The following EIF2B5 variants were observed in gnomAD, a reference collection of about 807,000 sequenced individuals.
EIF2B5 encodes the protein translation initiation factor eIF2B subunit epsilon.
In EIF2B5, 38 loss-of-function variants were observed where a neutral mutation model predicts 87.3. The ratio of observed to expected loss-of-function variants is 0.44; its 90% CI spans 0.34 to 0.57. EIF2B5 has a LOEUF of 0.57. EIF2B5 is among the 20% of genes least tolerant of loss of function. The probability of loss-of-function intolerance (pLI) is 0.02; values close to 1 mark genes in which losing one functional copy is unlikely to be tolerated. For synonymous variants in EIF2B5, 313 were observed against 339.6 expected (o/e 0.92, Z 0.86); for missense variants, 784 against 909.5 (o/e 0.86, Z 1.78).
At chr3:184,139,218 G>T (rs572655157) in intron 5 of EIF2B5, among the ~76,000 whole-genome samples, 2 of 145,264 alleles carry the variant, frequency 1.4e-5, no homozygotes, top group African/African-American at 2.6e-5. Context: ...TGATCCTCCC[G>T]CCTTGGCCTC....
rs200129815 is a variant in EIF2B5, at chr3:184,143,591, A to G, written c.1869+26A>G. 11 of 1,614,120 alleles carry G rather than the reference A, an allele frequency of 6.8e-6. No homozygotes were observed. The East Asian group carries it at 2.5e-4, about 36-fold the overall frequency. The stretch of plus-strand genomic sequence containing the variant: ...GTGAGCAAAGATTGGAGCTGAGTAC[A>G]AGGGATTGGGTACAGGCAAAGGAAA... On this transcript the variant is annotated intron_variant, in intron 13 of 15. Transcript: ENST00000648915.
At chr3:184,135,684 G>A (rs1196295658) in intron 1 of EIF2B5, 104 bp downstream of exon 1, 8 of 1,434,872 alleles carry the variant, frequency 5.6e-6, no homozygotes, top group East Asian at 2.5e-5. Context: ...AAGGACCTGC[G>A]TCTATGCTGT....
At chr3:184,140,863 A>C in intron 7 of EIF2B5, 133 bp downstream of exon 7, 1 of 997,064 alleles carries the variant, frequency 1.0e-6, no homozygotes, top group Non-Finnish European at 1.5e-6. Context: ...CGGCTACCTC[A>C]GGAAAGGAGG....
chr3:184,140,366 G>A lies in EIF2B5; in HGVS notation c.844-52G>A, dbSNP rs546042993. On this transcript the variant is annotated intron_variant, in intron 6 of 15. Coordinates refer to ENST00000648915, the MANE Select transcript of EIF2B5 (RefSeq NM_003907.3). ...AGGATTAGAAAAGTTGTACTTGGGG[G>A]CATTCTTCCTGTCTTTCTTGCTTAG... 23 of 1,590,478 alleles carry A rather than the reference G, an allele frequency of 1.4e-5. 1 individual carries two copies. The South Asian group carries it at 2.2e-4, about 15-fold the overall frequency.
At position 184,140,147 on chromosome 3, in the gene EIF2B5, T is replaced by A. The variant is rs1423216469; in HGVS notation, c.833T>A (p.Val278Glu). ...GATGACTTTGTGCGAGGTCTCTTAG[T>A]GAATGAGGAGGTGAGAAAAGTCTTC... ...TRDDFVRGLL[V>E]NEEILGNQIH... The change falls in exon 6 of 16, where the codon GTG (valine) becomes GAG (glutamate). Residue 278 changes from valine to glutamate, a missense_variant. Val to Glu is a moderately radical substitution (Grantham distance 121, BLOSUM62 -2). Transcript: ENST00000648915. 6.2e-7 allele frequency: 1 copy of A among 1,613,890 alleles called. No individual in the cohort carries two copies. Among genetic ancestry groups the A allele is most frequent in the Non-Finnish European group, 8.5e-7 (1 of 1,179,848 alleles).
At chr3:184,140,250 T>G (rs1188166656) in intron 6 of EIF2B5, 93 bp downstream of exon 6, 4 of 1,464,546 alleles carry the variant, frequency 2.7e-6, no homozygotes, top group South Asian at 2.3e-5. Flanking sequence ...TGTATTTTAT[T>G]GAGGCTTAGG....
At chr3:184,138,309 C>A in intron 5 of EIF2B5, 63 bp downstream of exon 5, 1 of 1,427,606 alleles carries the variant, frequency 7.0e-7, no homozygotes, top group South Asian at 1.1e-5. Flanking sequence ...CTGTTATTGT[C>A]CCCTTAGAAG....
chr3:184,136,751 C>T lies in EIF2B5; in HGVS notation c.320+15C>T. ...GAACATTTACTGTAAGGCCCTGCAA[C>T]TTTTCTTTCCATGTTTCGCCATCTT... is the stretch of plus-strand genomic sequence containing the variant. On this transcript the variant is annotated intron_variant, in intron 2 of 15. Transcript: ENST00000648915. 1 of 1,614,142 alleles carries T rather than the reference C, an allele frequency of 6.2e-7. No individual in the cohort carries two copies. The highest frequency in any genetic ancestry group is 8.5e-7 in the Non-Finnish European group (1 of 1,180,018).
At chr3:184,138,953 GT>G (rs202191142) in intron 5 of EIF2B5, 69 of 249,264 alleles carry the variant, frequency 2.8e-4, no homozygotes, top group South Asian at 5.3e-4. Context: ...TGAGCCACCA[GT>G]TTTTTTTGTT....
rs1713657918 is a variant in EIF2B5, at chr3:184,142,040, A to G, written c.1272A>G (p.Thr424=). The change falls in exon 8 of 16, where the codon ACA becomes ACG. Residue 424 remains threonine, a synonymous_variant. Transcript: ENST00000648915. This position sits in a 1 kb window ranked among gnomAD's most constrained non-coding sequence, Gnocchi z 5.0. ...CDNAEVKERV[T]LKPRSVLTSQ... ...ATGCTGAGGTCAAGGAACGAGTGAC[A>G]CTGAAACCACGCTCTGTCCTCACTT... 1 of 1,614,072 alleles carries G rather than the reference A, an allele frequency of 6.2e-7. No homozygotes were observed. Among genetic ancestry groups the G allele is most frequent in the Non-Finnish European group, 8.5e-7 (1 of 1,180,032 alleles).
intron 3 of EIF2B5, 27 bp from the exon 4 acceptor site, chr3:184,137,871 C>T (rs1713433194): frequency 6.2e-7 from 1 of 1,614,140 alleles, no homozygotes; most frequent in Non-Finnish European, 8.5e-7. Context: ...TGCTTTTTTG[C>T]AGTTCTGTCC....
rs763615769 is a variant in EIF2B5, at chr3:184,140,610, C to T, written c.1036C>T (p.Pro346Ser). The change falls in exon 7 of 16, where the codon CCT becomes TCT. Residue 346 changes from proline to serine, a missense_variant. Around this residue, in one of 3 missense-constraint regions of EIF2B5, gnomAD observed 660 missense variants for 789.5 expected, o/e 0.84. Coordinates refer to ENST00000648915, the MANE Select transcript of EIF2B5 (RefSeq NM_003907.3). Reference sequence around the variant, plus strand: ...TTCCCGGCACAACATCTACCGAGGGCCTGAGGTCAGCCTGGGCCATGGCAG... The same window carrying T: ...TTCCCGGCACAACATCTACCGAGGGTCTGAGGTCAGCCTGGGCCATGGCAG... ...THSRHNIYRG[P>S]EVSLGHGSIL... 3.1e-6 allele frequency: 5 copies of T among 1,614,190 alleles called. No homozygotes were observed. The highest frequency in any genetic ancestry group is 3.4e-6 in the Non-Finnish European group (4 of 1,180,042).
chr3:184,145,014 C>G lies in EIF2B5; in HGVS notation c.*71C>G. The G allele has an allele frequency of 1.4e-6, 2 of 1,435,038 alleles. No individual in the cohort carries two copies. The highest frequency in any genetic ancestry group is 3.5e-5 in the Admixed American group (2 of 57,854). 88.9% of individuals were successfully genotyped at this position (1,435,038 alleles called of 1,614,324 possible). A position where few individuals can be genotyped will look rare whatever the true frequency, so the allele number is the denominator to read the frequency against. ...CTCCTGGGCTGGGACAAGTGAGGAACTAGCTGCAGAGGGATGAGTGACCAC... is the reference window on the plus strand; with the variant it reads ...CTCCTGGGCTGGGACAAGTGAGGAAGTAGCTGCAGAGGGATGAGTGACCAC... On this transcript the variant is annotated 3_prime_UTR_variant, in exon 16 of 16. Coordinates refer to ENST00000648915, the MANE Select transcript of EIF2B5 (RefSeq NM_003907.3). The surrounding 1 kb of genome is among the most constrained non-coding windows in gnomAD (Gnocchi z 4.0).
Position 184,137,825 on chromosome 3 carries a change from A to G in EIF2B5, c.506+20A>G. ...ACACAGGTCAGGATGGGAAAATGACAGGAACAAGGGTTAAAGACCAGCAGA... is the reference window on the plus strand; with the variant it reads ...ACACAGGTCAGGATGGGAAAATGACGGGAACAAGGGTTAAAGACCAGCAGA... On this transcript the variant is annotated intron_variant, in intron 3 of 15. Coordinates refer to ENST00000648915, the MANE Select transcript of EIF2B5 (RefSeq NM_003907.3). 1 of 1,614,228 alleles carries G rather than the reference A, an allele frequency of 6.2e-7. No homozygotes were observed. Among genetic ancestry groups the G allele is most frequent in the Non-Finnish European group, 8.5e-7 (1 of 1,180,040 alleles).
intron 13 of EIF2B5, 78 bp from the exon 14 acceptor site, chr3:184,144,021 T>G (rs1368434301): frequency 1.2e-6 from 2 of 1,600,492 alleles, no homozygotes; most frequent in Admixed American, 1.7e-5. Flanking sequence ...ACCCATGTCA[T>G]CAGTATGGAT....
chr3:184,140,599 T>G lies in EIF2B5; in HGVS notation c.1025T>G (p.Ile342Ser). The G allele has an allele frequency of 6.2e-7, 1 of 1,614,080 alleles. No individual in the cohort carries two copies. Among genetic ancestry groups the G allele is most frequent in the Non-Finnish European group, 8.5e-7 (1 of 1,180,014 alleles). The change falls in exon 7 of 16, where the codon ATC becomes AGC. Residue 342 changes from isoleucine (I) to serine (S), a missense_variant. This residue lies in a region of EIF2B5 where 660 missense variants were observed against 789.5 expected (regional missense o/e 0.84). Transcript: ENST00000648915. Reference sequence around the variant, plus strand: ...AGCTGCACTCATTCCCGGCACAACATCTACCGAGGGCCTGAGGTCAGCCTG... The same window carrying G: ...AGCTGCACTCATTCCCGGCACAACAGCTACCGAGGGCCTGAGGTCAGCCTG... ...TQSCTHSRHNIYRGPEVSLGH... is the reference protein window; with the variant it reads ...TQSCTHSRHNSYRGPEVSLGH...
intron 5 of EIF2B5, among the ~76,000 whole-genome samples, chr3:184,138,606 C>G (rs1336103041): frequency 6.6e-6 from 1 of 152,050 alleles, no homozygotes; most frequent in African/African-American, 2.4e-5. Flanking sequence ...CTACCTGTCT[C>G]AGCCTCCCAA....
chr3:184,141,427 G>A (rs1029964011), intron 7 of EIF2B5, among the ~76,000 whole-genome samples: 1 of 152,150 alleles, frequency 6.6e-6, no homozygotes, highest in Non-Finnish European at 1.5e-5. Flanking sequence ...AAATTAGCTG[G>A]GCATGATGGC....
intron 14 of EIF2B5, 123 bp from the exon 15 acceptor site, chr3:184,144,473 GA>G: frequency 9.4e-7 from 1 of 1,064,320 alleles, no homozygotes; most frequent in Non-Finnish European, 1.4e-6. Flanking sequence ...GGAGCAGAGC[GA>G]ACAGCTCACT....
Sources: allele counts gnomAD v4.1 joint callset (sites outside exome capture counted in the v4.1 genomes callset), GRCh38; gene constraint gnomAD v4.1.1; regional missense constraint gnomAD v4.1.1; non-coding constraint Gnocchi (gnomAD v3.1); transcripts MANE v1.5; gene names NCBI Gene and HGNC (gene_info 2026-07-23, HGNC 2026-07-21).